CDC42BPB: variants seen among roughly 807,000 people sequenced by gnomAD.
CDC42BPB encodes serine/threonine-protein kinase MRCK beta.
In CDC42BPB, 37 loss-of-function variants were observed where a neutral mutation model predicts 214.9. The observed-to-expected ratio is 0.17, with a 90% CI of 0.13 to 0.23. The LOEUF is 0.23. Among genes scored for constraint, CDC42BPB ranks in the 10% least tolerant of loss-of-function variants. The probability of loss-of-function intolerance (pLI) is 1.00; values close to 1 mark genes in which losing one functional copy is unlikely to be tolerated. For missense variants in CDC42BPB, 1,694 were observed against 2,227.0 expected (o/e 0.76, Z 4.82); for synonymous variants, 931 against 884.0 (o/e 1.05, Z -0.94).
Position 102,975,877 on chromosome 14 carries a change from C to T in CDC42BPB, c.1387+6G>A. The T allele has an allele frequency of 1.2e-6, 2 of 1,614,096 alleles. No individual in the cohort carries two copies. Among genetic ancestry groups the T allele is most frequent in the Non-Finnish European group, 1.7e-6 (2 of 1,180,006 alleles). On this transcript the variant is annotated splice_donor_region_variant and intron_variant, in intron 10 of 36. Transcript: ENST00000361246. ...CGCCTGGCCCCGGAGCCGGCGCTGCCCTCACCTTGCAGCTTCCTGCTCAGC... is the reference window on the plus strand; with the variant it reads ...CGCCTGGCCCCGGAGCCGGCGCTGCTCTCACCTTGCAGCTTCCTGCTCAGC...
intron 5 of CDC42BPB, among the ~76,000 whole-genome samples, chr14:102,995,107 C>T (rs959203380): frequency 6.6e-6 from 1 of 151,698 alleles, no homozygotes. Context: ...AAAATTTGTA[C>T]TCTGTTCTTA....
chr14:102,989,255 G>A (rs755505455), intron 5 of CDC42BPB, among the ~76,000 whole-genome samples: 8 of 152,178 alleles, frequency 5.3e-5, no homozygotes, highest in South Asian at 2.1e-4. Flanking sequence ...GAAAATGCAC[G>A]GTTGGCAAAG....
chr14:102,935,009 G>A (rs1891583940), intron 36 of CDC42BPB, among the ~76,000 whole-genome samples: 2 of 139,826 alleles, frequency 1.4e-5, no homozygotes, highest in Admixed American at 1.5e-4. Context: ...GTGAGACTCT[G>A]TCTCAAAAAA....
At chr14:102,955,570 A>G (rs1892674842) in intron 21 of CDC42BPB, among the ~76,000 whole-genome samples, 4 of 152,234 alleles carry the variant, frequency 2.6e-5, no homozygotes, top group Non-Finnish European at 5.9e-5. Flanking sequence ...CAGGGAAGCA[A>G]TGTTTTGTTT....
rs1891451834 is a variant in CDC42BPB, at chr14:102,932,882, G to GA, written c.*829_*830insT. On this transcript the variant is annotated 3_prime_UTR_variant, in exon 37 of 37. Transcript: ENST00000361246. ...ATGCGGGGGCAGGACTGGTGGGGGG[G>GA]GGGGCGGGCAGGGCGGGGCGGGGTG... The GA allele has an allele frequency of 7.7e-6, 1 of 129,570 alleles. No individual in the cohort carries two copies. The highest frequency in any genetic ancestry group is 1.6e-5 in the Non-Finnish European group (1 of 60,630). 8.0% of individuals were successfully genotyped at this position (129,570 alleles called of 1,614,324 possible).
At chr14:102,939,971 A>G in intron 32 of CDC42BPB, 24 bp from the exon 33 acceptor site, 1 of 1,613,772 alleles carries the variant, frequency 6.2e-7, no homozygotes, top group South Asian at 1.1e-5. Context: ...GCGCGCGGTG[A>G]CGGTGCTGCG....
intron 1 of CDC42BPB, among the ~76,000 whole-genome samples, chr14:103,023,292 C>A (rs748324318): frequency 6.6e-6 from 1 of 151,970 alleles, no homozygotes; most frequent in Non-Finnish European, 1.5e-5. Flanking sequence ...CTCAGCCTCC[C>A]GAGTAGCTGG....
rs1026416001 is a variant in CDC42BPB, at chr14:102,954,202, G to A, written c.3062C>T (p.Pro1021Leu). Residue 1021 changes from proline to leucine, a missense_variant, in exon 23 of 37, where the codon CCG (proline) becomes CTG (leucine). Pro to Leu is a moderately conservative substitution (Grantham distance 98). Around this residue, in one of 7 missense-constraint regions of CDC42BPB, gnomAD observed 567 missense variants for 790.3 expected, o/e 0.72. Coordinates refer to ENST00000361246, the MANE Select transcript of CDC42BPB (RefSeq NM_006035.4). ...GGGTGAAAGCAAGGCCCCTACCTTC[G>A]GTCCAGCCAGAGCCAGGGCCTGCGT... Reference protein sequence around the residue: ...PTTQALALAGPKPKAHQFSIK... With the variant: ...PTTQALALAGLKPKAHQFSIK... 6 of 1,547,996 alleles carry A rather than the reference G, an allele frequency of 3.9e-6. No homozygotes were observed. In the South Asian group the frequency reaches 4.8e-5, roughly 12 times the overall value.
At chr14:103,023,988 G>A (rs575127397) in intron 1 of CDC42BPB, among the ~76,000 whole-genome samples, 1 of 152,238 alleles carries the variant, frequency 6.6e-6, no homozygotes, top group East Asian at 1.9e-4. Context: ...CCCGGCCCCA[G>A]GAACAGGATC....
intron 1 of CDC42BPB, among the ~76,000 whole-genome samples, chr14:103,054,238 T>C (rs1243381992): frequency 1.3e-5 from 2 of 152,166 alleles, no homozygotes; most frequent in Non-Finnish European, 1.5e-5. Flanking sequence ...CCATTAAGCC[T>C]CCAAATCTGG....
At chr14:103,017,044 G>C (rs1886504813) in intron 1 of CDC42BPB, among the ~76,000 whole-genome samples, 1 of 152,206 alleles carries the variant, frequency 6.6e-6, no homozygotes, top group Non-Finnish European at 1.5e-5. Flanking sequence ...AAACAGGGCT[G>C]GGTGCGGTGG....
intron 30 of CDC42BPB, chr14:102,941,438 A>T: frequency 3.0e-6 from 3 of 985,478 alleles, no homozygotes; most frequent in Non-Finnish European, 3.6e-6. Flanking sequence ...TTTGCAAGAA[A>T]GACAAAAGAT....
rs1295923527 is a variant in CDC42BPB at position 102,947,810 on chromosome 14, G to A, written c.3450-8C>T. 10 of 1,612,474 alleles carry A rather than the reference G, an allele frequency of 6.2e-6. No individual in the cohort carries two copies. Among genetic ancestry groups the A allele is most frequent in the African/African-American group, 1.3e-5 (1 of 75,034 alleles). On this transcript the variant is annotated splice_polypyrimidine_tract_variant and splice_region_variant and intron_variant, in intron 26 of 36. Coordinates refer to ENST00000361246, the MANE Select transcript of CDC42BPB (RefSeq NM_006035.4). ...ACGGAAAACTCGTCATCTCTGGTAA[G>A]GAAGAAACATTGACCCCGCTGGGAG...
chr14:102,974,985 T>C (rs1241822400), intron 11 of CDC42BPB, among the ~76,000 whole-genome samples: 1 of 151,942 alleles, frequency 6.6e-6, no homozygotes, highest in African/African-American at 2.4e-5. Flanking sequence ...TGATTGGAGC[T>C]TTTAGGGAAC....
At chr14:102,973,923 T>C (rs1893605984) in intron 12 of CDC42BPB, 93 bp downstream of exon 12, 4 of 1,426,376 alleles carry the variant, frequency 2.8e-6, no homozygotes, top group Non-Finnish European at 2.8e-6. Flanking sequence ...TGGGCAGGAG[T>C]CCCAAGAGGT....
intron 1 of CDC42BPB, among the ~76,000 whole-genome samples, chr14:103,053,508 T>C (rs1427761667): frequency 6.6e-6 from 1 of 151,892 alleles, no homozygotes; most frequent in Non-Finnish European, 1.5e-5. Flanking sequence ...ACACCTGTAA[T>C]CCAAGAACTT....
intron 2 of CDC42BPB, among the ~76,000 whole-genome samples, chr14:103,011,230 C>T (rs1363782703): frequency 6.6e-6 from 1 of 152,210 alleles, no homozygotes; most frequent in Non-Finnish European, 1.5e-5. Flanking sequence ...GGGCTCCCAG[C>T]CCCATACAAG....
chr14:102,972,199 A>G (rs375168214), intron 12 of CDC42BPB, 38 bp from the exon 13 acceptor site: 98 of 1,603,410 alleles, frequency 6.1e-5, no homozygotes, highest in Non-Finnish European at 7.9e-5. Flanking sequence ...ACGTTTGCCT[A>G]ACAAAGGCTT....
intron 29 of CDC42BPB, chr14:102,945,185 C>T (rs1400733336): frequency 6.6e-6 from 3 of 454,462 alleles, no homozygotes; most frequent in Non-Finnish European, 1.3e-5. Flanking sequence ...TGAAATGTCG[C>T]TGGATTCCTT....
Sources: allele counts gnomAD v4.1 joint callset (sites outside exome capture counted in the v4.1 genomes callset), GRCh38; gene constraint gnomAD v4.1.1; regional missense constraint gnomAD v4.1.1; transcripts MANE v1.5; gene names NCBI Gene and HGNC (gene_info 2026-07-23, HGNC 2026-07-21).